The following KHDRBS2 variants were observed in gnomAD, a reference collection of about 807,000 sequenced individuals.
KHDRBS2 encodes KH RNA binding domain containing, signal transduction associated 2, also known as KH domain-containing, RNA-binding, signal transduction-associated protein 2.
KHDRBS2 carries 26 observed loss-of-function variants against 44.3 expected under a neutral mutation model. The observed-to-expected ratio is 0.59, with a 90% CI of 0.43 to 0.81. The LOEUF is 0.81. KHDRBS2 is among the 40% of genes least tolerant of loss of function. The pLI is 0.00. For missense variants in KHDRBS2, 476 were observed against 433.1 expected, an observed-to-expected ratio of 1.10 and a Z score of -0.88; for synonymous variants, 194 against 151.1, an observed-to-expected ratio of 1.28 and a Z score of -2.08.
Position 61,954,883 on chromosome 6 carries a change from T to A in KHDRBS2, c.483+23183A>T, listed in dbSNP as rs867085866. ...ATATACACATACATATGTGTATATATGTATATATACACATACATATGTGTG... is the reference window on the plus strand; with the variant it reads ...ATATACACATACATATGTGTATATAAGTATATATACACATACATATGTGTG... On this transcript the variant is annotated intron_variant, in intron 4 of 8. Transcript: ENST00000281156. Among the ~76,000 whole-genome samples, 7 of 140,548 alleles carry A rather than the reference T, an allele frequency of 5.0e-5. 1 individual carries two copies. Among genetic ancestry groups the A allele is most frequent in the African/African-American group, 1.9e-4 (7 of 36,452 alleles). The allele number at this position is 140,548 out of a possible 152,430, so 92.2% of individuals were successfully genotyped here. A position where few individuals can be genotyped will look rare whatever the true frequency, so the allele number is the denominator to read the frequency against.
intron 4 of KHDRBS2, among the ~76,000 whole-genome samples, chr6:61,945,109 AAAAGTATATATATATAT>A (rs1328092602): frequency 8.2e-5 from 3 of 36,584 alleles, no homozygotes; most frequent in African/African-American, 2.0e-4. Context: ...AAAAAAAAAA[AAAAGTATATATATATAT>A]ATATATATAT....
intron 1 of KHDRBS2, among the ~76,000 whole-genome samples, chr6:62,192,799 A>C (rs1258249294): frequency 6.6e-6 from 1 of 152,114 alleles, no homozygotes; most frequent in Non-Finnish European, 1.5e-5. Context: ...TACTGTGTAT[A>C]AATTATTGGG....
chr6:61,606,320 C>T, the KHDRBS2 span, among the ~76,000 whole-genome samples: 1 of 152,116 alleles, frequency 6.6e-6, no homozygotes, highest in Admixed American at 6.6e-5. Context: ...TCCAGTGTTC[C>T]TTTGACTTCA....
At chr6:61,749,762 C>T (rs9353684) in intron 6 of KHDRBS2, among the ~76,000 whole-genome samples, 53,842 of 151,894 alleles carry the variant, frequency 0.35, 10,408 homozygotes, top group East Asian at 0.48. Context: ...ATGCAGACAC[C>T]GAACAATATC....
intron 6 of KHDRBS2, among the ~76,000 whole-genome samples, chr6:61,735,633 C>T (rs1252211371): frequency 6.6e-6 from 1 of 152,220 alleles, no homozygotes; most frequent in South Asian, 2.1e-4. Context: ...TCCAAACCAA[C>T]TGTTTTGTAC....
the KHDRBS2 span, among the ~76,000 whole-genome samples, chr6:61,659,825 T>C: frequency 6.6e-6 from 1 of 151,798 alleles, no homozygotes; most frequent in African/African-American, 2.4e-5. Context: ...GACCTTCGTC[T>C]GGATTAAGGT....
intron 6 of KHDRBS2, among the ~76,000 whole-genome samples, chr6:61,802,845 G>A (rs936506047): frequency 6.6e-6 from 1 of 152,110 alleles, no homozygotes. Flanking sequence ...TCACAGAGGA[G>A]AAACTTAAGG....
rs183475918 is a variant in KHDRBS2, at chr6:62,152,514, C to T, written c.219+24671G>A. Among the ~76,000 whole-genome samples the T allele has an allele frequency of 2.9e-3, 441 of 152,252 alleles. 2 individuals are homozygous for T. Among genetic ancestry groups the T allele is most frequent in the Non-Finnish European group, 5.2e-3 (351 of 68,026 alleles). On this transcript the variant is annotated intron_variant, in intron 2 of 8. Coordinates refer to ENST00000281156, the MANE Select transcript of KHDRBS2 (RefSeq NM_152688.4). Reference sequence around the variant, plus strand: ...GGCATTGTTTTAGTTACTTAATAATCACTGACTCTCAAGAAAGAATATAAA... The same window carrying T: ...GGCATTGTTTTAGTTACTTAATAATTACTGACTCTCAAGAAAGAATATAAA...
At chr6:62,169,128 CATATACACACATATATGTGT>C (rs1819367112) in intron 2 of KHDRBS2, among the ~76,000 whole-genome samples, 1 of 116,642 alleles carries the variant, frequency 8.6e-6, no homozygotes, top group African/African-American at 3.3e-5. Flanking sequence ...TGTATATATA[CATATACACACATATATGTGT>C]GTATATATAC....
At chr6:62,061,701 C>G (rs1278916980) in intron 2 of KHDRBS2, among the ~76,000 whole-genome samples, 1 of 150,800 alleles carries the variant, frequency 6.6e-6, no homozygotes, top group African/African-American at 2.4e-5. Context: ...TCTGTATTTC[C>G]TGAATCTGAA....
the KHDRBS2 span, among the ~76,000 whole-genome samples, chr6:61,660,810 A>G: frequency 6.6e-6 from 1 of 151,828 alleles, no homozygotes; most frequent in Non-Finnish European, 1.5e-5. Flanking sequence ...ACTTGGCAGG[A>G]TGAGTACAGT....
At chr6:62,242,476 T>C (rs1563122877) in intron 1 of KHDRBS2, among the ~76,000 whole-genome samples, 1 of 152,114 alleles carries the variant, frequency 6.6e-6, no homozygotes, top group Admixed American at 6.6e-5. Context: ...ATCAGAATCC[T>C]TCCCCTGTTG....
intron 2 of KHDRBS2, among the ~76,000 whole-genome samples, chr6:62,157,574 G>A (rs1240582218): frequency 6.6e-6 from 1 of 152,106 alleles, no homozygotes; most frequent in African/African-American, 2.4e-5. Context: ...TAGTATTGAA[G>A]TACGTACTCA....
chr6:62,063,360 C>T (rs1249408018), intron 2 of KHDRBS2, among the ~76,000 whole-genome samples: 3 of 151,456 alleles, frequency 2.0e-5, no homozygotes, highest in Non-Finnish European at 2.9e-5. Context: ...CCTTGATGAA[C>T]ATTGATGCAA....
At chr6:62,033,476 C>A (rs1230486766) in intron 3 of KHDRBS2, among the ~76,000 whole-genome samples, 3 of 151,734 alleles carry the variant, frequency 2.0e-5, no homozygotes, top group Non-Finnish European at 2.9e-5. Context: ...ATAAAAGAAA[C>A]AAATAACATA....
Position 62,124,514 on chromosome 6 carries a change from C to T in KHDRBS2, c.219+52671G>A, listed in dbSNP as rs563592481. The stretch of plus-strand genomic sequence containing the variant: ...CATATTTCACTTTTCCTGGAATGTA[C>T]TCTACTTAATTCAATAGGAACTTGC... On this transcript the variant is annotated intron_variant, in intron 2 of 8. Coordinates refer to ENST00000281156, the MANE Select transcript of KHDRBS2 (RefSeq NM_152688.4). Among the ~76,000 whole-genome samples, 9 of 151,618 alleles carry T rather than the reference C, an allele frequency of 5.9e-5. No homozygotes were observed. In the South Asian group the frequency reaches 1.7e-3, roughly 28 times the overall value.
At chr6:61,581,801 C>T in the KHDRBS2 span, among the ~76,000 whole-genome samples, 3 of 151,090 alleles carry the variant, frequency 2.0e-5, no homozygotes, top group Non-Finnish European at 3.0e-5. Context: ...ACTAAAGAGG[C>T]TTGTTAAAGA....
intron 2 of KHDRBS2, among the ~76,000 whole-genome samples, chr6:62,174,992 A>G (rs947854803): frequency 6.6e-6 from 1 of 151,710 alleles, no homozygotes; most frequent in Non-Finnish European, 1.5e-5. Context: ...TTTTCTAAGA[A>G]GTGGAAAATG....
At chr6:61,884,292 A>T (rs764330403) in intron 6 of KHDRBS2, among the ~76,000 whole-genome samples, 77 of 152,206 alleles carry the variant, frequency 5.1e-4, no homozygotes, top group Admixed American at 4.3e-3. Context: ...ATTTGTCAAA[A>T]TGCTTTTTAT....
Sources: allele counts gnomAD v4.1 joint callset (sites outside exome capture counted in the v4.1 genomes callset), GRCh38; gene constraint gnomAD v4.1.1; transcripts MANE v1.5; gene names NCBI Gene and HGNC (gene_info 2026-07-23, HGNC 2026-07-21).